The following DIP2C variants were observed in gnomAD, a reference collection of about 807,000 sequenced individuals.
The protein encoded by DIP2C is DIP2 acetate--CoA ligase C (putative), also known as disco-interacting protein 2 homolog C.
In DIP2C, 33 loss-of-function variants were observed where a neutral mutation model predicts 192.4. The ratio of observed to expected loss-of-function variants is 0.17; its 90% CI spans 0.13 to 0.23. The LOEUF is 0.23. Ranked by LOEUF, DIP2C falls within the 10% of genes least tolerant of loss-of-function variation. DIP2C has a pLI of 1.00. For missense variants in DIP2C, 1,537 were observed against 2,110.1 expected, an observed-to-expected ratio of 0.73 and a Z score of 5.32; for synonymous variants, 979 against 864.1, an observed-to-expected ratio of 1.13 and a Z score of -2.33.
At chr10:339,264 G>A (rs7895564) in intron 29 of DIP2C, among the ~76,000 whole-genome samples, 5,041 of 152,164 alleles carry the variant, frequency 0.033, 248 homozygotes, top group African/African-American at 0.11. Flanking sequence ...AGTCCATTGG[G>A]ATCTGTTTCT....
chr10:310,160 A>G (rs148914383), intron 31 of DIP2C, 68 bp from the exon 32 acceptor site: 4 of 1,373,890 alleles, frequency 2.9e-6, no homozygotes, highest in Admixed American at 3.8e-5. Flanking sequence ...TGCTTCTACT[A>G]GTTAGGAAAC....
At chr10:427,215 A>G (rs371139032) in intron 4 of DIP2C, among the ~76,000 whole-genome samples, 6 of 152,176 alleles carry the variant, frequency 3.9e-5, no homozygotes, top group East Asian at 3.8e-4. Context: ...TCTAGAGGCC[A>G]CCTGTGTCCC....
At chr10:529,534 C>T (rs775652978) in intron 1 of DIP2C, among the ~76,000 whole-genome samples, 5 of 152,250 alleles carry the variant, frequency 3.3e-5, no homozygotes, top group African/African-American at 4.8e-5. Flanking sequence ...AAGTAGTGAG[C>T]TATGTATCCA....
chr10:354,842 G>T (rs542570791), intron 24 of DIP2C, among the ~76,000 whole-genome samples: 1 of 152,070 alleles, frequency 6.6e-6, no homozygotes, highest in African/African-American at 2.4e-5. Context: ...GAACTGCCAA[G>T]ACCACAGGGA....
chr10:527,424 T>A lies in DIP2C; in HGVS notation c.86-40894A>T, dbSNP rs552016377. 2.0e-5 allele frequency among the ~76,000 whole-genome samples: 3 copies of A among 152,324 alleles called. No homozygotes were observed. The East Asian group carries it at 5.8e-4, about 29-fold the overall frequency. ...TTTTGTAATTTTTAATATTTGTACT[T>A]ATGGTGTGATTTGGGGAACAACAAA... is the stretch of plus-strand genomic sequence containing the variant. On this transcript the variant is annotated intron_variant, in intron 1 of 36. Coordinates refer to ENST00000280886, the MANE Select transcript of DIP2C (RefSeq NM_014974.3).
In DIP2C at chr10:293,900, GGAA is replaced by G. The variant is rs1955613931; in HGVS notation, c.3987-5482_3987-5480del. ...CGGTGGCCACCACAAAAGGCTAAGG[GGAA>G]GAAGATCTGGATCAGGGAAGTCCAG... On this transcript the variant is annotated intron_variant, in intron 32 of 36. Transcript: ENST00000280886. Among the ~76,000 whole-genome samples the G allele has an allele frequency of 2.0e-5, 3 of 152,136 alleles. No individual in the cohort carries two copies. The South Asian group carries it at 6.2e-4, about 32-fold the overall frequency.
rs1962635781 is a variant in DIP2C at position 384,065 on chromosome 10, G to A, written c.1838C>T (p.Ser613Phe). Residue 613 changes from serine to phenylalanine, a missense_variant, in exon 16 of 37, where the codon TCT (serine) becomes TTT (phenylalanine). This residue lies in a region of DIP2C where 677 missense variants were observed against 989.9 expected (regional missense o/e 0.68). Transcript: ENST00000280886. ...HRDQRDINLSSLRMLIVADGA... is the reference protein window; with the variant it reads ...HRDQRDINLSFLRMLIVADGA... ...GTCCGCCACTATCAGCATTCGCAGA[G>A]AGGAGAGGTTGATGTCTCTCTGATC... 6.2e-7 allele frequency: 1 copy of A among 1,611,058 alleles called. No individual in the cohort carries two copies. Among genetic ancestry groups the A allele is most frequent in the Non-Finnish European group, 8.5e-7 (1 of 1,179,216 alleles).
At chr10:391,881 T>G (rs1354486758) in intron 10 of DIP2C, among the ~76,000 whole-genome samples, 2 of 152,142 alleles carry the variant, frequency 1.3e-5, no homozygotes, top group East Asian at 3.9e-4. Context: ...CTGGGTAAAT[T>G]AGGCAGATTT....
chr10:334,655 C>G (rs1320227833), intron 29 of DIP2C, among the ~76,000 whole-genome samples: 3 of 152,204 alleles, frequency 2.0e-5, no homozygotes, highest in Non-Finnish European at 4.4e-5. Flanking sequence ...ATGTGAATGT[C>G]CGAATTTCCC....
At chr10:348,210 C>A (rs751600331) in intron 26 of DIP2C, among the ~76,000 whole-genome samples, 6 of 152,218 alleles carry the variant, frequency 3.9e-5, no homozygotes, top group Non-Finnish European at 7.3e-5. Flanking sequence ...ATAGCTGAAT[C>A]CTCTCAAACT....
At chr10:529,150 C>G (rs1391006704) in intron 1 of DIP2C, among the ~76,000 whole-genome samples, 2 of 152,208 alleles carry the variant, frequency 1.3e-5, no homozygotes, top group Non-Finnish European at 2.9e-5. Context: ...TCTAGGCCAT[C>G]TCATGGCCCC....
At chr10:467,146 A>G (rs1398462086) in intron 3 of DIP2C, among the ~76,000 whole-genome samples, 1 of 152,140 alleles carries the variant, frequency 6.6e-6, no homozygotes, top group Non-Finnish European at 1.5e-5. Context: ...ATGTCCAACA[A>G]TGATAGACTG....
chr10:440,671 T>C (rs1311378055), intron 4 of DIP2C, among the ~76,000 whole-genome samples, 200 bp downstream of exon 4: 2 of 152,336 alleles, frequency 1.3e-5, no homozygotes, highest in East Asian at 1.9e-4. Flanking sequence ...AAGTTAAAAA[T>C]GTGTTTTTAT....
intron 1 of DIP2C, among the ~76,000 whole-genome samples, chr10:682,699 T>C (rs1038193813): frequency 1.3e-5 from 2 of 152,074 alleles, no homozygotes; most frequent in African/African-American, 4.8e-5. Flanking sequence ...TTTTTAATGG[T>C]ATATTACTTC....
chr10:585,400 A>C (rs184558703), intron 1 of DIP2C, among the ~76,000 whole-genome samples: 1 of 152,220 alleles, frequency 6.6e-6, no homozygotes, highest in African/African-American at 2.4e-5. Flanking sequence ...TGAGTATTCC[A>C]CATAGTATTA....
chr10:365,910 G>A (rs1228782572), intron 19 of DIP2C, among the ~76,000 whole-genome samples: 2 of 152,196 alleles, frequency 1.3e-5, no homozygotes, highest in Non-Finnish European at 2.9e-5. Flanking sequence ...ACCTGGCCAC[G>A]TGTAGCCCAG....
At chr10:490,884 T>G (rs186234391) in intron 1 of DIP2C, among the ~76,000 whole-genome samples, 2 of 152,312 alleles carry the variant, frequency 1.3e-5, no homozygotes, top group African/African-American at 4.8e-5. Context: ...AAAACCCCAG[T>G]GAGGCAAAGT....
rs553868777 is a variant in DIP2C, at chr10:521,467, C to T, written c.86-34937G>A. On this transcript the variant is annotated intron_variant, in intron 1 of 36. Transcript: ENST00000280886. ...CCCCCAGGCACATGCTTACAAGTCT[C>T]GCTTCCTCTCTGCCCCCCAAAGCCT... Among the ~76,000 whole-genome samples, 3 of 152,340 alleles carry T rather than the reference C, an allele frequency of 2.0e-5. No homozygotes were observed. In the South Asian group the frequency reaches 6.2e-4, roughly 32 times the overall value.
intron 14 of DIP2C, among the ~76,000 whole-genome samples, chr10:385,444 G>T (rs757070285): frequency 1.3e-5 from 2 of 152,160 alleles, no homozygotes. Flanking sequence ...GAAACAGATC[G>T]TCATTTTCAA....
Sources: allele counts gnomAD v4.1 joint callset (sites outside exome capture counted in the v4.1 genomes callset), GRCh38; gene constraint gnomAD v4.1.1; regional missense constraint gnomAD v4.1.1; transcripts MANE v1.5; gene names NCBI Gene and HGNC (gene_info 2026-07-23, HGNC 2026-07-21).